Variants in KCNH5 observed in about 807,000 individuals in gnomAD.
The protein encoded by KCNH5 is voltage-gated delayed rectifier potassium channel KCNH5.
KCNH5 carries 46 observed loss-of-function variants against 96.1 expected under a neutral mutation model. That is an observed-to-expected ratio of 0.48 (90% confidence interval 0.38 to 0.61). The LOEUF (loss-of-function observed/expected upper bound fraction) is 0.61, where lower values mean the gene tolerates loss of function less well. Ranked by LOEUF, KCNH5 falls within the 20% of genes least tolerant of loss-of-function variation. The pLI is 0.00. For synonymous variants in KCNH5, 439 were observed against 449.8 expected, an observed-to-expected ratio of 0.98 and a Z score of 0.30; for missense variants, 907 against 1,225.8, an observed-to-expected ratio of 0.74 and a Z score of 3.88.
chr14:62,794,388 ATT>A (rs1326234514), intron 9 of KCNH5, among the ~76,000 whole-genome samples: 4 of 146,128 alleles, frequency 2.7e-5, no homozygotes, highest in African/African-American at 2.5e-5. Flanking sequence ...CCAGAGCATC[ATT>A]TTTTTTTTTT....
At chr14:62,767,325 A>G (rs1259037285) in intron 10 of KCNH5, among the ~76,000 whole-genome samples, 3 of 152,232 alleles carry the variant, frequency 2.0e-5, no homozygotes, top group South Asian at 2.1e-4. Context: ...ATTACTAACT[A>G]TATATCCAAA....
chr14:62,945,349 A>G (rs1383219099), intron 7 of KCNH5, among the ~76,000 whole-genome samples: 1 of 152,136 alleles, frequency 6.6e-6, no homozygotes, highest in Non-Finnish European at 1.5e-5. Context: ...TCACAAAGGA[A>G]TCGGGGTCAA....
intron 8 of KCNH5, among the ~76,000 whole-genome samples, chr14:62,836,484 T>G (rs1048167956): frequency 5.5e-4 from 83 of 152,180 alleles, no homozygotes; most frequent in African/African-American, 1.9e-3. Context: ...TTCAGAGTAC[T>G]TGCAAAGTAG....
chr14:62,832,036 C>G (rs1846428363), intron 8 of KCNH5, among the ~76,000 whole-genome samples: 1 of 152,152 alleles, frequency 6.6e-6, no homozygotes, highest in Admixed American at 6.5e-5. Flanking sequence ...TCAATAGTTA[C>G]ATTTATCGAT....
Position 62,916,258 on chromosome 14 carries a change from G to C in KCNH5, c.1369+33875C>G, listed in dbSNP as rs927174820. ...TGAGCCACCACGCCCAGCCAGCCAG[G>C]GTTTCAATCCAAGTGTGGCTGATGT... On this transcript the variant is annotated intron_variant, in intron 7 of 10. Transcript: ENST00000322893. 7.2e-5 allele frequency among the ~76,000 whole-genome samples: 11 copies of C among 152,178 alleles called. No homozygotes were observed. In the East Asian group the frequency reaches 2.1e-3, roughly 29 times the overall value.
At chr14:62,832,997 T>C (rs1887388162) in intron 8 of KCNH5, among the ~76,000 whole-genome samples, 1 of 150,864 alleles carries the variant, frequency 6.6e-6, no homozygotes, top group South Asian at 2.1e-4. Flanking sequence ...TTGATAGAGT[T>C]TCTTATCAAT....
At position 62,705,110 on chromosome 14, in the gene KCNH5, T is replaced by C. The variant is rs1308064186; in HGVS notation, c.*2398A>G. The C allele has an allele frequency of 3.3e-5, 5 of 152,108 alleles. No homozygotes were observed. The highest frequency in any genetic ancestry group is 1.2e-4 in the African/African-American group (5 of 41,556). 9.4% of individuals were successfully genotyped at this position (152,108 alleles called of 1,614,324 possible). On this transcript the variant is annotated 3_prime_UTR_variant, in exon 11 of 11. Transcript: ENST00000322893. Reference sequence around the variant, plus strand: ...AACAATCTGGAGTAATTCAAAACCATTATGTTTCTCACATATATGAACAAT... The same window carrying C: ...AACAATCTGGAGTAATTCAAAACCACTATGTTTCTCACATATATGAACAAT...
Position 62,859,487 on chromosome 14 carries a change from AC to A in KCNH5, c.1370-9636del, listed in dbSNP as rs1011754439. ...CTGCTGAGGTCACCTGTTGGTGAGC[AC>A]TCACATGAGCTACAAATATCTTCAC... On this transcript the variant is annotated intron_variant, in intron 7 of 10. Transcript: ENST00000322893. 6.6e-5 allele frequency among the ~76,000 whole-genome samples: 10 copies of A among 152,194 alleles called. 1 individual carries two copies. The highest frequency in any genetic ancestry group is 2.4e-4 in the African/African-American group (10 of 41,444).
chr14:62,908,344 C>T (rs1315190308), intron 7 of KCNH5, among the ~76,000 whole-genome samples: 3 of 152,086 alleles, frequency 2.0e-5, no homozygotes, highest in Non-Finnish European at 1.5e-5. Flanking sequence ...CAGACGGATA[C>T]GTCTGACTTT....
chr14:63,044,308 T>A (rs1476625538), intron 1 of KCNH5, among the ~76,000 whole-genome samples: 1 of 152,118 alleles, frequency 6.6e-6, no homozygotes, highest in Admixed American at 6.5e-5. Context: ...ATCCAAAATA[T>A]CTTGTAGGAA....
At chr14:62,845,182 T>C (rs1371051406) in intron 8 of KCNH5, among the ~76,000 whole-genome samples, 3 of 152,118 alleles carry the variant, frequency 2.0e-5, no homozygotes, top group Admixed American at 2.0e-4. Context: ...ATTTGGCTTA[T>C]GGAGGAACAG....
At chr14:63,018,225 T>G (rs1024281695) in intron 1 of KCNH5, among the ~76,000 whole-genome samples, 1 of 151,886 alleles carries the variant, frequency 6.6e-6, no homozygotes, top group African/African-American at 2.4e-5. Context: ...CTGAGAGCAC[T>G]TGCCAGTTTG....
Position 62,708,047 on chromosome 14 carries a change from C to A in KCNH5, c.2428G>T (p.Gly810Trp). 6.2e-7 allele frequency: 1 copy of A among 1,614,166 alleles called. No homozygotes were observed. The highest frequency in any genetic ancestry group is 8.5e-7 in the Non-Finnish European group (1 of 1,180,042). Reference sequence around the variant, plus strand: ...ATATTATTCTTGAGTCGCAGCCACCCTTTTCCATTTCCATTCTTCATTCTT... The same window carrying A: ...ATATTATTCTTGAGTCGCAGCCACCATTTTCCATTTCCATTCTTCATTCTT... ...PIRMKNGNGK[G>W]WLRLKNNMGA... The change falls in exon 11 of 11, where the codon GGG becomes TGG. Residue 810 changes from glycine (G) to tryptophan (W), a missense_variant. Around this residue, in one of 6 missense-constraint regions of KCNH5, gnomAD observed 362 missense variants for 394.4 expected, o/e 0.92. Coordinates refer to ENST00000322893, the MANE Select transcript of KCNH5 (RefSeq NM_139318.5).
At chr14:62,854,935 C>T (rs556118928) in intron 7 of KCNH5, among the ~76,000 whole-genome samples, 1 of 149,936 alleles carries the variant, frequency 6.7e-6, no homozygotes, top group South Asian at 2.2e-4. Context: ...GAGGCAAGGT[C>T]TATATTCTGA....
chr14:63,023,852 T>C (rs1021000201), intron 1 of KCNH5, among the ~76,000 whole-genome samples: 1 of 152,104 alleles, frequency 6.6e-6, no homozygotes, highest in Non-Finnish European at 1.5e-5. Context: ...TATGTGGAAA[T>C]TGAACAATAT....
At chr14:62,850,730 C>T (rs1595654533) in intron 7 of KCNH5, among the ~76,000 whole-genome samples, 1 of 152,120 alleles carries the variant, frequency 6.6e-6, no homozygotes, top group East Asian at 1.9e-4. Flanking sequence ...GAACAAACTT[C>T]CAATCTTCAA....
At chr14:62,766,589 C>T (rs1885865734) in intron 10 of KCNH5, among the ~76,000 whole-genome samples, 1 of 152,060 alleles carries the variant, frequency 6.6e-6, no homozygotes, top group South Asian at 2.1e-4. Context: ...GAAAGACAAA[C>T]TTCACATATT....
At chr14:62,717,776 A>T (rs1013788895) in intron 10 of KCNH5, among the ~76,000 whole-genome samples, 15 of 152,254 alleles carry the variant, frequency 9.9e-5, no homozygotes, top group Admixed American at 7.9e-4. Flanking sequence ...GGCAGCAAAG[A>T]ACAAATAAAT....
intron 2 of KCNH5, among the ~76,000 whole-genome samples, chr14:63,008,188 G>T (rs756816111): frequency 1.3e-5 from 2 of 152,076 alleles, no homozygotes; most frequent in Non-Finnish European, 2.9e-5. Flanking sequence ...ACTAGAGGCA[G>T]ATCCAAAGTG....
Sources: allele counts gnomAD v4.1 joint callset (sites outside exome capture counted in the v4.1 genomes callset), GRCh38; gene constraint gnomAD v4.1.1; regional missense constraint gnomAD v4.1.1; transcripts MANE v1.5; gene names NCBI Gene and HGNC (gene_info 2026-07-23, HGNC 2026-07-21).